Variants in SBNO2 observed in about 807,000 individuals in gnomAD.
SBNO2 encodes the protein strawberry notch homolog 2.
In SBNO2, 89 loss-of-function variants were observed where a neutral mutation model predicts 146.3. That is an observed-to-expected ratio of 0.61 (90% CI 0.51 to 0.73). The LOEUF is 0.73. Among genes scored for constraint, SBNO2 ranks in the 30% least tolerant of loss-of-function variants. The pLI is 0.00. For missense variants in SBNO2, 2,092 were observed against 2,003.7 expected (o/e 1.04, Z -0.84); for synonymous variants, 1,147 against 892.6 (o/e 1.29, Z -5.08).
In SBNO2 at chr19:1,140,632, G is replaced by A. The variant is rs1024409505; in HGVS notation, c.279+6677C>T. 6.6e-5 allele frequency among the ~76,000 whole-genome samples: 10 copies of A among 152,144 alleles called. No individual in the cohort carries two copies. Among genetic ancestry groups the A allele is most frequent in the African/African-American group, 2.4e-4 (10 of 41,440 alleles). ...GGTGGGGGTGGCCAGGGAGCAGGCAGAGAGCGGGGAAGGGGTGGGGGTCCC... is the reference window on the plus strand; with the variant it reads ...GGTGGGGGTGGCCAGGGAGCAGGCAAAGAGCGGGGAAGGGGTGGGGGTCCC... On this transcript the variant is annotated intron_variant, in intron 4 of 31. Coordinates refer to ENST00000361757, the MANE Select transcript of SBNO2 (RefSeq NM_014963.3). This position sits in a 1 kb window ranked among gnomAD's most constrained non-coding sequence, Gnocchi z 4.4.
In SBNO2 at chr19:1,108,852, G is replaced by T. The variant is rs760284883; in HGVS notation, c.3543C>A (p.Val1181=). 1.9e-6 allele frequency: 3 copies of T among 1,597,802 alleles called. No individual in the cohort carries two copies. The Admixed American group carries it at 5.0e-5, about 27-fold the overall frequency. Residue 1181 remains valine (V), a synonymous_variant, in exon 31 of 32, where the codon GTC becomes GTA. Coordinates refer to ENST00000361757, the MANE Select transcript of SBNO2 (RefSeq NM_014963.3). Reference sequence around the variant, plus strand: ...AGCTGCTGCTGCTGACGTCGGCCATGACGGCGGCGATGCGGCCCCACACGC... The same window carrying T: ...AGCTGCTGCTGCTGACGTCGGCCATTACGGCGGCGATGCGGCCCCACACGC... ...LLRVWGRIAA[V]MADVSSSSYL...
intron 1 of SBNO2, among the ~76,000 whole-genome samples, chr19:1,170,231 C>A (rs925357915): frequency 6.6e-6 from 1 of 152,242 alleles, no homozygotes; most frequent in East Asian, 1.9e-4. Flanking sequence ...TTGGCCAGAA[C>A]CCCAGGTTTG....
intron 10 of SBNO2, 24 bp downstream of exon 10, chr19:1,122,444 T>C (rs2079912004): frequency 6.4e-7 from 1 of 1,559,186 alleles, no homozygotes; most frequent in African/African-American, 1.4e-5. Context: ...CCTTGCCCCC[T>C]ACTTTGCCGA....
At position 1,121,035 on chromosome 19, in the gene SBNO2, G is replaced by A. The variant is rs1027459201; in HGVS notation, c.1150-1012C>T. Among the ~76,000 whole-genome samples, 9 of 152,286 alleles carry A rather than the reference G, an allele frequency of 5.9e-5. No homozygotes were observed. In the South Asian group the frequency reaches 8.3e-4, roughly 14 times the overall value. ...GCCTCCCGGGTAGCTGGGATTACAG[G>A]TGCGCACCACCACGCCCAGCTAACT... On this transcript the variant is annotated intron_variant, in intron 11 of 31. Coordinates refer to ENST00000361757, the MANE Select transcript of SBNO2 (RefSeq NM_014963.3).
chr19:1,116,249 C>T (rs549082881), intron 16 of SBNO2, 146 bp from the exon 17 acceptor site: 4 of 651,072 alleles, frequency 6.1e-6, no homozygotes, highest in South Asian at 3.9e-5. Context: ...GTGGAGTGGG[C>T]TGGGGAGGAC....
rs977767747 is a variant in SBNO2 at position 1,154,278 on chromosome 19, G to T, written c.-2C>A. The T allele has an allele frequency of 1.2e-5, 15 of 1,262,700 alleles. No individual in the cohort carries two copies. The highest frequency in any genetic ancestry group is 1.4e-5 in the Non-Finnish European group (14 of 1,002,932). The allele number at this position is 1,262,700 out of a possible 1,614,324, so 78.2% of individuals were successfully genotyped here. A position where few individuals can be genotyped will look rare whatever the true frequency, so the allele number is the denominator to read the frequency against. On this transcript the variant is annotated 5_prime_UTR_variant, in exon 2 of 32. Transcript: ENST00000361757. ...CATGGCGGGCCCCACTGCAAGCATC[G>T]GGCGGCAGGCGGGGTGGGGTCCTCG...
rs10401293 is a variant in SBNO2, at chr19:1,123,663, C to T, written c.523-24G>A. ...TCCTGCGTGCGTGGCGGGAGCTCAG[C>T]GGAGACTGCAGGCCTGAGCGGCCGC... On this transcript the variant is annotated intron_variant, in intron 6 of 31. Transcript: ENST00000361757. 6.2e-3 allele frequency: 9,953 copies of T among 1,595,904 alleles called. 544 individuals carry two copies. In the African/African-American group the frequency reaches 0.12, roughly 19 times the overall value.
rs1490579303 is a variant in SBNO2, at chr19:1,108,195, G to A, written c.*25C>T. 3.3e-6 allele frequency: 5 copies of A among 1,521,098 alleles called. No homozygotes were observed. In the East Asian group the frequency reaches 8.0e-5, roughly 24 times the overall value. The allele number at this position is 1,521,098 out of a possible 1,614,324, so 94.2% of individuals were successfully genotyped here. On this transcript the variant is annotated 3_prime_UTR_variant, in exon 32 of 32. Coordinates refer to ENST00000361757, the MANE Select transcript of SBNO2 (RefSeq NM_014963.3). ...AGGGGAGAAACGGTCCCTGTGTCTT[G>A]GGGCATGTTTCGCCTAAAGGCGTGT... is the stretch of plus-strand genomic sequence containing the variant.
At chr19:1,160,194 C>T (rs1487342059) in intron 1 of SBNO2, among the ~76,000 whole-genome samples, 2 of 152,172 alleles carry the variant, frequency 1.3e-5, no homozygotes, top group Admixed American at 6.5e-5. Flanking sequence ...GCGGGAAGGG[C>T]TGGGCCTGGC....
chr19:1,152,807 G>A (rs2080255006), intron 2 of SBNO2, among the ~76,000 whole-genome samples: 1 of 152,170 alleles, frequency 6.6e-6, no homozygotes, highest in Non-Finnish European at 1.5e-5. Context: ...TGGAGTCCTG[G>A]AGCAGGTCCT....
chr19:1,158,570 G>C lies in SBNO2; in HGVS notation c.-126-4168C>G, dbSNP rs2080313976. ...GGGTTCTGGTCTCCTGGCACACCCG[G>C]CAGCATCTCAAGGCCTGCGCCAGCA... On this transcript the variant is annotated intron_variant, in intron 1 of 31. Transcript: ENST00000361757. The surrounding 1 kb of genome is among the most constrained non-coding windows in gnomAD (Gnocchi z 9.9). Among the ~76,000 whole-genome samples the C allele has an allele frequency of 1.3e-5, 2 of 152,212 alleles. No homozygotes were observed. The highest frequency in any genetic ancestry group is 2.9e-5 in the Non-Finnish European group (2 of 68,026).
intron 1 of SBNO2, among the ~76,000 whole-genome samples, chr19:1,170,531 G>C (rs2080467346): frequency 6.6e-6 from 1 of 152,134 alleles, no homozygotes; most frequent in South Asian, 2.1e-4. Context: ...GACACACCCA[G>C]CCCTCCCCGT....
At position 1,127,607 on chromosome 19, in the gene SBNO2, A is replaced by T. The variant is rs1374525779; in HGVS notation, c.438T>A (p.Asp146Glu). Residue 146 changes from aspartate to glutamate, a missense_variant, in exon 5 of 32, where the codon GAT becomes GAA. Asp to Glu is a conservative substitution (Grantham distance 45). Transcript: ENST00000361757. ...TGGGGGCACCGGGCGCACTGACCTT[A>T]TCGTGGGTGGAGGGGGCAGGGTTAT... ...WDDNPAPSTH[D>E]KLFQLSRPFA... 2.5e-6 allele frequency: 4 copies of T among 1,612,300 alleles called. No individual in the cohort carries two copies. The South Asian group carries it at 4.4e-5, about 18-fold the overall frequency.
intron 4 of SBNO2, among the ~76,000 whole-genome samples, chr19:1,141,993 TGTGAA>T (rs1045671173): frequency 5.4e-5 from 7 of 130,044 alleles, no homozygotes; most frequent in African/African-American, 1.7e-4. Flanking sequence ...ACTCGGAGTC[TGTGAA>T]GTGAAGACCA....
chr19:1,142,529 A>T (rs1244144294), intron 4 of SBNO2, among the ~76,000 whole-genome samples: 1 of 151,972 alleles, frequency 6.6e-6, no homozygotes, highest in East Asian at 1.9e-4. Context: ...AAAATACAAA[A>T]ATTAGCCAGG....
Position 1,109,348 on chromosome 19 carries a change from T to C in SBNO2, c.3292A>G (p.Ile1098Val). ...GCCTCCAGCTGGCTCTGCCGGCCGA[T>C]GTTGGGCTTGTACACCGTGAAGAAC... ...GQFFTVYKPN[I>V]GRQSQLEALD... Residue 1098 changes from isoleucine to valine, a missense_variant, in exon 29 of 32, where the codon ATC becomes GTC. Ile to Val is a conservative substitution (Grantham distance 29, BLOSUM62 3). Coordinates refer to ENST00000361757, the MANE Select transcript of SBNO2 (RefSeq NM_014963.3). This position sits in a 1 kb window ranked among gnomAD's most constrained non-coding sequence, Gnocchi z 4.2. 6 of 1,593,232 alleles carry C rather than the reference T, an allele frequency of 3.8e-6. No individual in the cohort carries two copies. Among genetic ancestry groups the C allele is most frequent in the Non-Finnish European group, 5.1e-6 (6 of 1,170,938 alleles).
At position 1,109,203 on chromosome 19, in the gene SBNO2, C is replaced by A. The variant is rs764154895; in HGVS notation, c.3357G>T (p.Ala1119=). 2.6e-6 allele frequency: 4 copies of A among 1,566,130 alleles called. No individual in the cohort carries two copies. The highest frequency in any genetic ancestry group is 2.6e-6 in the Non-Finnish European group (3 of 1,156,562). ...TCTCCCAGGGCTCCTTGGCCTCCTC[C>A]GCGGTGACCTAGGGACACAGGGCCG... The part of the protein sequence containing the change: ...SLRRKFHRVT[A]EEAKEPWESG... The change falls in exon 30 of 32, where the codon GCG becomes GCT. Residue 1119 remains alanine (A), a synonymous_variant. Coordinates refer to ENST00000361757, the MANE Select transcript of SBNO2 (RefSeq NM_014963.3). This position sits in a 1 kb window ranked among gnomAD's most constrained non-coding sequence, Gnocchi z 4.2.
rs767157945 is a variant in SBNO2 at position 1,122,510 on chromosome 19, C to G, written c.963G>C (p.Arg321=). ...CCGCGATGCCCGTGGCTTCGATGTCCCGCAGGTCGCGCTCCGCATCGTACT... is the reference window on the plus strand; with the variant it reads ...CCGCGATGCCCGTGGCTTCGATGTCGCGCAGGTCGCGCTCCGCATCGTACT... ...DLKYDAERDL[R]DIEATGIAVH... is the part of the protein sequence containing the mutation. Residue 321 remains arginine (R), a synonymous_variant, in exon 10 of 32, where the codon CGG becomes CGC. Coordinates refer to ENST00000361757, the MANE Select transcript of SBNO2 (RefSeq NM_014963.3). 8.3e-6 allele frequency: 13 copies of G among 1,568,262 alleles called. No homozygotes were observed. Among genetic ancestry groups the G allele is most frequent in the Admixed American group, 5.5e-5 (3 of 54,356 alleles).
Position 1,112,906 on chromosome 19 carries a change from GT to G in SBNO2, c.2290del (p.Thr764ArgfsTer17). The G allele has an allele frequency of 6.4e-7, 1 of 1,568,956 alleles. No individual in the cohort carries two copies. The highest frequency in any genetic ancestry group is 8.6e-7 in the Non-Finnish European group (1 of 1,158,738). Reference sequence around the variant, plus strand: ...CTCTGCCCGCGACTCGAAGGCCACCGTCCCGTCGGGCCTGGACACCACGCGG... The same window carrying G: ...CTCTGCCCGCGACTCGAAGGCCACCGCCCGTCGGGCCTGGACACCACGCGG... ...KGRVVSRPDG[T>X]VAFESRAEQG... On this transcript the variant is annotated frameshift_variant, in exon 20 of 32. Transcript: ENST00000361757. LOFTEE classifies it high-confidence loss of function. This position sits in a 1 kb window ranked among gnomAD's most constrained non-coding sequence, Gnocchi z 5.9.
Sources: gnomAD v4.1 joint callset for allele counts (sites outside exome capture counted in the v4.1 genomes callset) on GRCh38, gnomAD v4.1.1 for gene constraint, Gnocchi (gnomAD v3.1) non-coding constraint, MANE v1.5 for transcripts, NCBI Gene and HGNC (gene_info 2026-07-23, HGNC 2026-07-21) for gene names.